Variants in TMEM161B observed in about 807,000 individuals in gnomAD.
TMEM161B encodes transmembrane protein 161B.
TMEM161B carries 34 observed loss-of-function variants against 61.8 expected under a neutral mutation model. That is an observed-to-expected ratio of 0.55 (90% CI 0.42 to 0.73). TMEM161B has a LOEUF of 0.73. TMEM161B is among the 30% of genes least tolerant of loss of function. TMEM161B has a pLI of 0.00. For synonymous variants in TMEM161B, 167 were observed against 192.8 expected, an observed-to-expected ratio of 0.87 and a Z score of 1.11; for missense variants, 456 against 558.5, an observed-to-expected ratio of 0.82 and a Z score of 1.85.
chr5:88,228,351 A>G (rs1379505519), intron 3 of TMEM161B, 94 bp downstream of exon 3: 49 of 950,926 alleles, frequency 5.2e-5, no homozygotes, highest in Non-Finnish European at 6.9e-5. Flanking sequence ...TACTTACAAC[A>G]TAATTGGTAC....
intron 5 of TMEM161B, among the ~76,000 whole-genome samples, chr5:88,212,726 G>A (rs567077360): frequency 3.3e-5 from 5 of 152,272 alleles, no homozygotes; most frequent in Non-Finnish European, 7.4e-5. Flanking sequence ...CTACTCAGGT[G>A]GCTGAGGCAC....
At chr5:88,208,742 T>C (rs1276765211) in intron 5 of TMEM161B, among the ~76,000 whole-genome samples, 1 of 152,124 alleles carries the variant, frequency 6.6e-6, no homozygotes, top group East Asian at 1.9e-4. Context: ...TTAGAGAAAG[T>C]TGAGATTTAA....
downstream of TMEM161B, among the ~76,000 whole-genome samples, chr5:88,187,626 C>T (rs2112290971): frequency 6.6e-6 from 1 of 152,180 alleles, no homozygotes. Context: ...TGTATTCTTA[C>T]TTTTTAAATG....
chr5:88,231,206 T>A (rs1051340551), intron 2 of TMEM161B, among the ~76,000 whole-genome samples: 22 of 152,176 alleles, frequency 1.4e-4, no homozygotes, highest in African/African-American at 5.3e-4. Context: ...AGCAGTTTCC[T>A]AAGTACTATG....
intron 2 of TMEM161B, among the ~76,000 whole-genome samples, chr5:88,239,109 C>A (rs1296066648): frequency 6.6e-6 from 1 of 151,950 alleles, no homozygotes; most frequent in African/African-American, 2.4e-5. Context: ...ACATTCTGAT[C>A]AGAAAAAGAT....
Position 88,225,766 on chromosome 5 carries a change from T to C in TMEM161B, c.289+3A>G. 6.3e-7 allele frequency: 1 copy of C among 1,577,008 alleles called. No individual in the cohort carries two copies. The highest frequency in any genetic ancestry group is 8.7e-7 in the Non-Finnish European group (1 of 1,152,726). On this transcript the variant is annotated splice_donor_region_variant and intron_variant, in intron 4 of 11. Coordinates refer to ENST00000296595, the MANE Select transcript of TMEM161B (RefSeq NM_153354.5). The stretch of plus-strand genomic sequence containing the variant: ...TAGAACATTTTATCAAGATTTCCCT[T>C]ACCTAAAGTATCCACTTCTGTAACT...
At chr5:88,235,448 T>C (rs1460820714) in intron 2 of TMEM161B, among the ~76,000 whole-genome samples, 2 of 152,312 alleles carry the variant, frequency 1.3e-5, no homozygotes, top group Middle Eastern at 3.4e-3. Flanking sequence ...TGTGATGGTA[T>C]CTGGAGGTGG....
At chr5:88,227,034 G>A (rs1307422205) in intron 3 of TMEM161B, among the ~76,000 whole-genome samples, 3 of 151,948 alleles carry the variant, frequency 2.0e-5, no homozygotes, top group African/African-American at 7.3e-5. Flanking sequence ...GGCTGAGGTG[G>A]GAAGATCATC....
intron 1 of TMEM161B, among the ~76,000 whole-genome samples, chr5:88,248,783 G>A (rs1430929668): frequency 2.6e-5 from 4 of 151,324 alleles, no homozygotes; most frequent in Admixed American, 6.6e-5. Context: ...GCTTATAAAG[G>A]CCTTTTAAAT....
chr5:88,251,830 T>C (rs2112726156), intron 1 of TMEM161B, among the ~76,000 whole-genome samples: 2 of 152,272 alleles, frequency 1.3e-5, no homozygotes, highest in South Asian at 4.1e-4. Context: ...ATACATCCAG[T>C]ATCTTCCTGG....
downstream of TMEM161B, chr5:88,190,049 A>G (rs1051794272): frequency 8.6e-6 from 6 of 699,138 alleles, no homozygotes; most frequent in African/African-American, 1.7e-5. Context: ...TAGGAATAAG[A>G]TCTCAAAGAA....
intron 5 of TMEM161B, among the ~76,000 whole-genome samples, chr5:88,218,333 T>C (rs2112507531): frequency 6.6e-6 from 1 of 152,224 alleles, no homozygotes. Context: ...AAAACAATTT[T>C]CTAGAACTCA....
Position 88,213,552 on chromosome 5 carries a change from A to T in TMEM161B, c.447-6372T>A, listed in dbSNP as rs538766924. 3.1e-4 allele frequency among the ~76,000 whole-genome samples: 37 copies of T among 120,200 alleles called. 1 individual carries two copies. In the South Asian group the frequency reaches 9.6e-3, roughly 31 times the overall value. The allele number at this position is 120,200 out of a possible 152,430, so 78.9% of individuals were successfully genotyped here. A position where few individuals can be genotyped will look rare whatever the true frequency, so the allele number is the denominator to read the frequency against. ...AAAGCATAATATACAACCTTTATTTAAAATACAAAAGAAAACTATCTTTTA... is the reference window on the plus strand; with the variant it reads ...AAAGCATAATATACAACCTTTATTTTAAATACAAAAGAAAACTATCTTTTA... On this transcript the variant is annotated intron_variant, in intron 5 of 11. Coordinates refer to ENST00000296595, the MANE Select transcript of TMEM161B (RefSeq NM_153354.5).
intron 4 of TMEM161B, among the ~76,000 whole-genome samples, chr5:88,224,272 C>T (rs912067183): frequency 4.6e-5 from 7 of 152,102 alleles, no homozygotes; most frequent in African/African-American, 1.7e-4. Flanking sequence ...TTCCTAAAAC[C>T]TACTCTAGAT....
At chr5:88,217,590 G>GA (rs1554054219) in intron 5 of TMEM161B, among the ~76,000 whole-genome samples, 1 of 151,574 alleles carries the variant, frequency 6.6e-6, no homozygotes, top group Non-Finnish European at 1.5e-5. Context: ...GGGTGGTGGG[G>GA]GGTAATAATA....
chr5:88,243,875 T>G (rs1753159715), intron 1 of TMEM161B, among the ~76,000 whole-genome samples: 1 of 152,000 alleles, frequency 6.6e-6, no homozygotes, highest in Non-Finnish European at 1.5e-5. Context: ...ATATGTTTGT[T>G]GGCCACATAA....
At chr5:88,225,935 C>G (rs975876693) in intron 3 of TMEM161B, 69 bp from the exon 4 acceptor site, 1 of 964,316 alleles carries the variant, frequency 1.0e-6, no homozygotes, top group Non-Finnish European at 1.6e-6. Context: ...TTGTTTCAAA[C>G]TAATTACAGA....
intron 9 of TMEM161B, chr5:88,202,448 G>A (rs1447966888): frequency 1.1e-5 from 2 of 178,590 alleles, no homozygotes; most frequent in African/African-American, 2.4e-5. Context: ...ATTTTTTTTA[G>A]AGGTGCAAAC....
At chr5:88,190,345 C>T, downstream of TMEM161B, 2 of 680,274 alleles carry the variant, frequency 2.9e-6, no homozygotes, top group South Asian at 3.1e-5. Context: ...TAACAACTTT[C>T]CAAGTGACTC....
Sources: allele counts gnomAD v4.1 joint callset (sites outside exome capture counted in the v4.1 genomes callset), GRCh38; gene constraint gnomAD v4.1.1; transcripts MANE v1.5; gene names NCBI Gene and HGNC (gene_info 2026-07-23, HGNC 2026-07-21).